The following GPC5 variants were observed in gnomAD, a reference collection of about 807,000 sequenced individuals.
GPC5 encodes glypican-5.
GPC5 carries 47 observed loss-of-function variants against 53.9 expected under a neutral mutation model. The ratio of observed to expected loss-of-function variants is 0.87; its 90% CI spans 0.69 to 1.11. The LOEUF (loss-of-function observed/expected upper bound fraction) is 1.11, where lower values mean the gene tolerates loss of function less well. GPC5 is among the 50% of genes most tolerant of loss of function. The probability of loss-of-function intolerance (pLI) is 0.00; values close to 1 mark genes in which losing one functional copy is unlikely to be tolerated. For missense variants in GPC5, 748 were observed against 713.1 expected (o/e 1.05, Z -0.56); for synonymous variants, 286 against 263.3 (o/e 1.09, Z -0.84).
At chr13:91,430,471 G>A (rs78994498) in intron 1 of GPC5, among the ~76,000 whole-genome samples, 5,454 of 152,250 alleles carry the variant, frequency 0.036, 320 homozygotes, top group African/African-American at 0.12. Flanking sequence ...TCTGAGAGAA[G>A]TTTTTCTTCC....
chr13:91,920,318 A>G (rs1178073792), intron 6 of GPC5, among the ~76,000 whole-genome samples: 1 of 152,208 alleles, frequency 6.6e-6, no homozygotes, highest in East Asian at 1.9e-4. Context: ...CAATAGAAGC[A>G]TTGGAAGGTA....
At chr13:92,286,967 A>G (rs563407100) in intron 7 of GPC5, among the ~76,000 whole-genome samples, 1 of 152,318 alleles carries the variant, frequency 6.6e-6, no homozygotes, top group South Asian at 2.1e-4. Context: ...AGATGGCCAT[A>G]TGCAAGCCAA....
chr13:92,150,882 T>C (rs1435598817), intron 7 of GPC5, among the ~76,000 whole-genome samples: 1 of 126,224 alleles, frequency 7.9e-6, no homozygotes, highest in Non-Finnish European at 1.7e-5. Context: ...ATATGATCAA[T>C]AGAGGAAGTA....
chr13:91,556,149 A>T (rs1027143340), intron 2 of GPC5, among the ~76,000 whole-genome samples: 6 of 151,982 alleles, frequency 3.9e-5, no homozygotes, highest in African/African-American at 1.4e-4. Flanking sequence ...TTTCAAGAAC[A>T]CTATATAACT....
chr13:92,223,786 T>A (rs2042465689), intron 7 of GPC5, among the ~76,000 whole-genome samples: 1 of 152,122 alleles, frequency 6.6e-6, no homozygotes, highest in Non-Finnish European at 1.5e-5. Context: ...GATCAAACTT[T>A]TAAGGAACAA....
chr13:92,513,712 G>A (rs891702324), intron 7 of GPC5, among the ~76,000 whole-genome samples: 1 of 152,040 alleles, frequency 6.6e-6, no homozygotes, highest in African/African-American at 2.4e-5. Context: ...GGGAATGTGT[G>A]CATATGCATA....
intron 2 of GPC5, among the ~76,000 whole-genome samples, chr13:91,691,800 CTA>C (rs2035763129): frequency 6.6e-6 from 1 of 152,016 alleles, no homozygotes; most frequent in African/African-American, 2.4e-5. Context: ...TTGTTTTTTC[CTA>C]CTCTTCTTCC....
intron 5 of GPC5, among the ~76,000 whole-genome samples, chr13:91,905,133 T>G (rs372768478): frequency 2.0e-5 from 3 of 152,130 alleles, no homozygotes; most frequent in East Asian, 3.9e-4. Context: ...ATCATAATTA[T>G]GCACTTATCA....
chr13:91,522,376 G>T (rs146198763), intron 2 of GPC5, among the ~76,000 whole-genome samples: 33 of 152,284 alleles, frequency 2.2e-4, no homozygotes, highest in Non-Finnish European at 4.0e-4. Flanking sequence ...AGAGTGATAT[G>T]TCAGGAAATG....
chr13:92,702,870 G>C (rs1478130994), intron 7 of GPC5, among the ~76,000 whole-genome samples: 1 of 151,482 alleles, frequency 6.6e-6, no homozygotes, highest in Non-Finnish European at 1.5e-5. Flanking sequence ...TGTTCATTTT[G>C]CTCCAGCACC....
chr13:91,797,075 C>T (rs2038058474), intron 5 of GPC5, among the ~76,000 whole-genome samples: 1 of 151,942 alleles, frequency 6.6e-6, no homozygotes, highest in African/African-American at 2.4e-5. Flanking sequence ...GCCACAGAGT[C>T]ACATAAATTA....
intron 5 of GPC5, among the ~76,000 whole-genome samples, chr13:91,765,713 G>A (rs567969623): frequency 6.6e-6 from 1 of 152,248 alleles, no homozygotes; most frequent in South Asian, 2.1e-4. Context: ...TTTCAAATAG[G>A]GGAAAATTCT....
At chr13:91,641,338 C>G (rs2034424419) in intron 2 of GPC5, among the ~76,000 whole-genome samples, 1 of 151,922 alleles carries the variant, frequency 6.6e-6, no homozygotes, top group African/African-American at 2.4e-5. Context: ...AAAAACAAAT[C>G]AAAACAAAAC....
chr13:92,249,857 T>A (rs1349900429), intron 7 of GPC5, among the ~76,000 whole-genome samples: 1 of 152,110 alleles, frequency 6.6e-6, no homozygotes, highest in Non-Finnish European at 1.5e-5. Context: ...CTTTGCATAG[T>A]GTAAGTGTTA....
At position 92,015,510 on chromosome 13, in the gene GPC5, G is replaced by T. The variant is rs569846226; in HGVS notation, c.1401+107453G>T. 5.9e-5 allele frequency among the ~76,000 whole-genome samples: 9 copies of T among 151,476 alleles called. 1 individual carries two copies. Among genetic ancestry groups the T allele is most frequent in the African/African-American group, 2.2e-4 (9 of 41,276 alleles). ...AAGTAAGTAAATTGAAAAGCAAATG[G>T]GCATATTGTAGATACATTTTTATCT... On this transcript the variant is annotated intron_variant, in intron 6 of 7. Coordinates refer to ENST00000377067, the MANE Select transcript of GPC5 (RefSeq NM_004466.6).
At chr13:91,791,567 C>T (rs546241531) in intron 5 of GPC5, among the ~76,000 whole-genome samples, 1 of 149,908 alleles carries the variant, frequency 6.7e-6, no homozygotes, top group Non-Finnish European at 1.5e-5. Context: ...AGCTAAGCTT[C>T]CATTCTCATA....
intron 6 of GPC5, among the ~76,000 whole-genome samples, chr13:91,990,426 G>A (rs1347103462): frequency 1.3e-5 from 2 of 152,094 alleles, no homozygotes; most frequent in Middle Eastern, 3.2e-3. Context: ...TGGTATGTAT[G>A]TAAAAATTGC....
intron 2 of GPC5, among the ~76,000 whole-genome samples, chr13:91,495,920 A>G (rs1007719647): frequency 1.6e-4 from 24 of 152,086 alleles, no homozygotes; most frequent in African/African-American, 5.1e-4. Context: ...CTACTTGGGA[A>G]GCTGAGGCAG....
At chr13:92,487,142 C>A (rs924279225) in intron 7 of GPC5, among the ~76,000 whole-genome samples, 6 of 152,128 alleles carry the variant, frequency 3.9e-5, no homozygotes, top group African/African-American at 1.4e-4. Flanking sequence ...AGGGGCCGTG[C>A]CCAGCCAGGG....
Sources: gnomAD v4.1 joint callset for allele counts (sites outside exome capture counted in the v4.1 genomes callset) on GRCh38, gnomAD v4.1.1 for gene constraint, MANE v1.5 for transcripts, NCBI Gene and HGNC (gene_info 2026-07-23, HGNC 2026-07-21) for gene names.